Variants in AP3S1 observed in about 807,000 individuals in gnomAD.
AP3S1 encodes adaptor related protein complex 3 subunit sigma 1.
In AP3S1, 12 loss-of-function variants were observed where a neutral mutation model predicts 21.3. The ratio of observed to expected loss-of-function variants is 0.56; its 90% CI spans 0.36 to 0.91. The LOEUF is 0.91. AP3S1 is among the 40% of genes least tolerant of loss of function. The probability of loss-of-function intolerance (pLI) is 0.01; values close to 1 mark genes in which losing one functional copy is unlikely to be tolerated. For synonymous variants in AP3S1, 48 were observed against 78.4 expected (o/e 0.61, Z 2.05); for missense variants, 116 against 225.0 (o/e 0.52, Z 3.10).
In AP3S1 at chr5:115,868,244, A is replaced by G. The variant is rs575039462; in HGVS notation, c.161+1483A>G. On this transcript the variant is annotated intron_variant, in intron 2 of 5. Coordinates refer to ENST00000316788, the MANE Select transcript of AP3S1 (RefSeq NM_001284.4). ...CATTACTGGCCTTTTTGAAACTTAT[A>G]TTCTTCAGAAGTTTGCTGTCCTTTT... Among the ~76,000 whole-genome samples, 10 of 152,306 alleles carry G rather than the reference A, an allele frequency of 6.6e-5. No homozygotes were observed. The East Asian group carries it at 1.9e-3, about 29-fold the overall frequency.
intron 5 of AP3S1, among the ~76,000 whole-genome samples, chr5:115,904,660 A>G (rs1192719767): frequency 6.6e-6 from 1 of 152,214 alleles, no homozygotes; most frequent in Non-Finnish European, 1.5e-5. Context: ...ATTTTGTTTT[A>G]GGACAAGGAA....
chr5:115,854,441 A>T (rs1384185878), intron 1 of AP3S1, among the ~76,000 whole-genome samples: 1 of 152,156 alleles, frequency 6.6e-6, no homozygotes, highest in Non-Finnish European at 1.5e-5. Flanking sequence ...TTAAGTTACT[A>T]TTGTAGGTGC....
chr5:115,881,512 A>G (rs781101487), intron 3 of AP3S1, among the ~76,000 whole-genome samples: 1 of 152,182 alleles, frequency 6.6e-6, no homozygotes, highest in Non-Finnish European at 1.5e-5. Flanking sequence ...AAGAATGTTG[A>G]ATATTGACCT....
At chr5:115,843,647 A>G (rs1021045744) in intron 1 of AP3S1, among the ~76,000 whole-genome samples, 2 of 152,224 alleles carry the variant, frequency 1.3e-5, no homozygotes, top group Admixed American at 1.3e-4. Context: ...TGCAGTGTAA[A>G]AAAGGTATGT....
intron 5 of AP3S1, chr5:115,903,496 A>G (rs149744795): frequency 0.016 from 2,390 of 153,072 alleles, 22 homozygotes; most frequent in African/African-American, 0.023. Context: ...AAGAAATTCA[A>G]TACCTTAATC....
At chr5:115,895,820 C>T (rs866906371) in intron 4 of AP3S1, among the ~76,000 whole-genome samples, 40 of 151,970 alleles carry the variant, frequency 2.6e-4, no homozygotes, top group African/African-American at 9.2e-4. Flanking sequence ...TAAGACACTA[C>T]GATGAGGTTT....
rs1751330979 is a variant in AP3S1, at chr5:115,902,881, T to C, written c.346-4T>C. ...ATGGGTATATATTCTTTTATTCCCTTTAGGTTCACAATATTCTTGCAGAAA... is the reference window on the plus strand; with the variant it reads ...ATGGGTATATATTCTTTTATTCCCTCTAGGTTCACAATATTCTTGCAGAAA... On this transcript the variant is annotated splice_polypyrimidine_tract_variant and splice_region_variant and intron_variant, in intron 4 of 5. Transcript: ENST00000316788. 1 of 214,414 alleles carries C rather than the reference T, an allele frequency of 4.7e-6. No homozygotes were observed. The highest frequency in any genetic ancestry group is 8.7e-6 in the Non-Finnish European group (1 of 114,634). The allele number at this position is 214,414 out of a possible 1,614,324, so 13.3% of individuals were successfully genotyped here.
At chr5:115,846,781 AAC>A (rs1296124474) in intron 1 of AP3S1, among the ~76,000 whole-genome samples, 7 of 152,320 alleles carry the variant, frequency 4.6e-5, no homozygotes, top group African/African-American at 1.2e-4. Context: ...AACACATACT[AAC>A]ACACGGCATT....
intron 1 of AP3S1, chr5:115,842,530 G>GCA (rs1761686214): frequency 6.3e-6 from 1 of 157,536 alleles, no homozygotes; most frequent in African/African-American, 2.6e-5. Context: ...AAGACGGCGT[G>GCA]GAACTCGTTC....
chr5:115,850,855 C>T (rs1054159225), intron 1 of AP3S1, among the ~76,000 whole-genome samples: 1 of 152,100 alleles, frequency 6.6e-6, no homozygotes, highest in Non-Finnish European at 1.5e-5. Context: ...TGGATATGAG[C>T]TCCCTTTGGC....
At chr5:115,906,758 C>G in intron 5 of AP3S1, 1 of 1,271,850 alleles carries the variant, frequency 7.9e-7, no homozygotes, top group South Asian at 1.6e-5. Flanking sequence ...TTTTGAAAGT[C>G]AGTCCTCTTT....
intron 1 of AP3S1, among the ~76,000 whole-genome samples, chr5:115,851,243 G>C (rs895358849): frequency 1.3e-5 from 2 of 152,106 alleles, no homozygotes; most frequent in South Asian, 4.1e-4. Flanking sequence ...TGGAAACTTG[G>C]GTTGCTTCCA....
At chr5:115,869,869 T>C in intron 2 of AP3S1, 148 bp from the exon 3 acceptor site, 1 of 478,508 alleles carries the variant, frequency 2.1e-6, no homozygotes, top group East Asian at 3.9e-5. Context: ...ATTCACCTAG[T>C]CTCTGAATAA....
chr5:115,906,684 T>G, intron 5 of AP3S1: 1 of 584,086 alleles, frequency 1.7e-6, no homozygotes, highest in Non-Finnish European at 2.7e-6. Flanking sequence ...GGGAGATCTG[T>G]TAGCTTTTAT....
chr5:115,901,941 C>T (rs1219499144), intron 4 of AP3S1, among the ~76,000 whole-genome samples: 2 of 151,844 alleles, frequency 1.3e-5, no homozygotes, highest in Admixed American at 6.6e-5. Flanking sequence ...AAAAAATTAC[C>T]GTATAATACC....
intron 4 of AP3S1, among the ~76,000 whole-genome samples, chr5:115,896,251 G>T (rs940270974): frequency 6.6e-6 from 1 of 152,142 alleles, no homozygotes; most frequent in Non-Finnish European, 1.5e-5. Context: ...TTCATTATTT[G>T]TGAATGTCAA....
chr5:115,904,406 C>G (rs1310934255), intron 5 of AP3S1, among the ~76,000 whole-genome samples: 1 of 152,180 alleles, frequency 6.6e-6, no homozygotes, highest in Non-Finnish European at 1.5e-5. Context: ...AAGAATAAAT[C>G]TCAAATCTAG....
chr5:115,875,085 T>G (rs1748584042), intron 3 of AP3S1, among the ~76,000 whole-genome samples: 2 of 152,188 alleles, frequency 1.3e-5, no homozygotes, highest in Admixed American at 1.3e-4. Flanking sequence ...AAGCATATAT[T>G]TGTAAGAAAG....
chr5:115,892,755 A>G (rs573789851), intron 3 of AP3S1, among the ~76,000 whole-genome samples: 181 of 152,332 alleles, frequency 1.2e-3, no homozygotes, highest in African/African-American at 4.2e-3. Flanking sequence ...TGATAGCTCA[A>G]TAGGGTGATT....
Sources: allele counts gnomAD v4.1 joint callset (sites outside exome capture counted in the v4.1 genomes callset), GRCh38; gene constraint gnomAD v4.1.1; transcripts MANE v1.5; gene names NCBI Gene and HGNC (gene_info 2026-07-23, HGNC 2026-07-21).